UNC5C: variants seen among roughly 807,000 people sequenced by gnomAD.
The protein encoded by UNC5C is netrin receptor UNC5C.
A neutral mutation model predicts 99.8 loss-of-function variants in UNC5C; 47 were observed. The ratio of observed to expected loss-of-function variants is 0.47; its 90% CI spans 0.37 to 0.60. UNC5C has a LOEUF of 0.60. Ranked by LOEUF, UNC5C falls within the 20% of genes least tolerant of loss-of-function variation. The pLI, the probability that UNC5C is intolerant of heterozygous loss-of-function variation, is 0.00. For synonymous variants in UNC5C, 487 were observed against 452.2 expected (o/e 1.08, Z -0.98); for missense variants, 1,062 against 1,165.9 (o/e 0.91, Z 1.30).
At chr4:95,360,223 TA>T (rs1744347084) in intron 1 of UNC5C, among the ~76,000 whole-genome samples, 1 of 152,214 alleles carries the variant, frequency 6.6e-6, no homozygotes, top group African/African-American at 2.4e-5. Flanking sequence ...GACATGTTCT[TA>T]TTATTCTTTC....
chr4:95,344,009 T>A (rs752602038), intron 1 of UNC5C, among the ~76,000 whole-genome samples: 2 of 151,874 alleles, frequency 1.3e-5, no homozygotes, highest in Non-Finnish European at 2.9e-5. Context: ...GAGAGAGATA[T>A]AAAGGTAGAA....
At chr4:95,262,919 A>G (rs1237035831) in intron 4 of UNC5C, among the ~76,000 whole-genome samples, 1 of 152,020 alleles carries the variant, frequency 6.6e-6, no homozygotes, top group Non-Finnish European at 1.5e-5. Context: ...GGTTCAAGCA[A>G]TTCTCCTGCC....
chr4:95,543,280 G>A (rs572091889), intron 1 of UNC5C, among the ~76,000 whole-genome samples: 3 of 152,186 alleles, frequency 2.0e-5, no homozygotes, highest in South Asian at 4.2e-4. Flanking sequence ...AATCTAAACC[G>A]TAAGTAATAT....
chr4:95,448,190 GTGTGTGTCTC>G (rs1350863552), intron 1 of UNC5C, among the ~76,000 whole-genome samples: 17 of 97,552 alleles, frequency 1.7e-4, no homozygotes, highest in South Asian at 7.8e-4. Flanking sequence ...TTTTGCTAAT[GTGTGTGTCTC>G]TGTGTGTGTG....
intron 1 of UNC5C, among the ~76,000 whole-genome samples, chr4:95,468,128 G>GT (rs36112534): frequency 2.0e-3 from 288 of 140,558 alleles, no homozygotes; most frequent in Non-Finnish European, 3.1e-3. Context: ...TGTTTTTTGG[G>GT]TTTTTTTTTT....
chr4:95,398,379 G>C (rs937977940), intron 1 of UNC5C, among the ~76,000 whole-genome samples: 8 of 152,084 alleles, frequency 5.3e-5, no homozygotes, highest in African/African-American at 1.9e-4. Flanking sequence ...TCTGCAAACT[G>C]TCTACCAAAC....
At chr4:95,266,231 C>T (rs1740442420) in intron 4 of UNC5C, among the ~76,000 whole-genome samples, 1 of 152,206 alleles carries the variant, frequency 6.6e-6, no homozygotes, top group Non-Finnish European at 1.5e-5. Context: ...CAGCCTCAAT[C>T]CCTGCTAGTG....
At chr4:95,172,773 G>T (rs1174583102) in intron 14 of UNC5C, among the ~76,000 whole-genome samples, 1 of 152,034 alleles carries the variant, frequency 6.6e-6, no homozygotes, top group Non-Finnish European at 1.5e-5. Flanking sequence ...CCAATTCTGT[G>T]AAGAAAGTCA....
intron 1 of UNC5C, among the ~76,000 whole-genome samples, chr4:95,398,432 CTCAT>C (rs112476627): frequency 0.015 from 2,293 of 151,396 alleles, 37 homozygotes; most frequent in African/African-American, 0.044. Flanking sequence ...ACTTCATTCA[CTCAT>C]TCATTCATTC....
At chr4:95,473,181 A>G (rs17383133) in intron 1 of UNC5C, among the ~76,000 whole-genome samples, 45,978 of 152,048 alleles carry the variant, frequency 0.3, 7,803 homozygotes, top group Non-Finnish European at 0.38. Context: ...CAAAAGTTTC[A>G]TTACAACTTC....
chr4:95,244,968 T>C lies in UNC5C; in HGVS notation c.943+9A>G. The C allele has an allele frequency of 1.2e-6, 2 of 1,613,624 alleles. No individual in the cohort carries two copies. The highest frequency in any genetic ancestry group is 8.5e-7 in the Non-Finnish European group (1 of 1,179,870). ...GAGATACTTGGAATGAGAGGACTGG[T>C]TTATTTACCTGGGCATAACGTAGTA... On this transcript the variant is annotated intron_variant, in intron 6 of 15. Transcript: ENST00000453304.
chr4:95,216,178 G>C lies in UNC5C; in HGVS notation c.1679C>G (p.Pro560Arg). 1 of 1,613,580 alleles carries C rather than the reference G, an allele frequency of 6.2e-7. No homozygotes were observed. Among genetic ancestry groups the C allele is most frequent in the Non-Finnish European group, 8.5e-7 (1 of 1,179,914 alleles). ...VSLLIPAGAI[P>R]QGRVYEMYVT... Reference sequence around the variant, plus strand: ...ATACATTTCGTAGACTCTCCCTTGGGGAATGGCCCCAGCGGGAATCAGCAA... The same window carrying C: ...ATACATTTCGTAGACTCTCCCTTGGCGAATGGCCCCAGCGGGAATCAGCAA... Residue 560 changes from proline (P) to arginine (R), a missense_variant, in exon 10 of 16, where the codon CCC becomes CGC. Physicochemically the swap from Pro to Arg is moderately radical, Grantham distance 103. Around this residue, in one of 3 missense-constraint regions of UNC5C, gnomAD observed 810 missense variants for 854.5 expected, o/e 0.95. Transcript: ENST00000453304.
chr4:95,426,389 C>A (rs927546874), intron 1 of UNC5C, among the ~76,000 whole-genome samples: 2 of 152,174 alleles, frequency 1.3e-5, no homozygotes, highest in Non-Finnish European at 2.9e-5. Flanking sequence ...CCTTCCTATT[C>A]CCTAAGACAC....
At chr4:95,184,163 T>G (rs1368373097) in intron 13 of UNC5C, among the ~76,000 whole-genome samples, 4 of 152,216 alleles carry the variant, frequency 2.6e-5, no homozygotes, top group Admixed American at 2.0e-4. Flanking sequence ...GAGCTGTGCA[T>G]AGAGAGTCTG....
intron 1 of UNC5C, among the ~76,000 whole-genome samples, chr4:95,364,984 T>A (rs1050133452): frequency 2.6e-5 from 4 of 151,738 alleles, no homozygotes; most frequent in African/African-American, 9.7e-5. Flanking sequence ...TAAGTATATA[T>A]TTATTTACAT....
At chr4:95,384,713 G>A (rs1241618939) in intron 1 of UNC5C, among the ~76,000 whole-genome samples, 2 of 152,110 alleles carry the variant, frequency 1.3e-5, no homozygotes, top group Non-Finnish European at 2.9e-5. Flanking sequence ...TAGGATATGC[G>A]GAAGAGGGAT....
chr4:95,236,949 C>T (rs1383823478), intron 7 of UNC5C, among the ~76,000 whole-genome samples: 1 of 152,172 alleles, frequency 6.6e-6, no homozygotes, highest in Non-Finnish European at 1.5e-5. Context: ...TCCAGAACCA[C>T]CCCTGACCAT....
intron 1 of UNC5C, among the ~76,000 whole-genome samples, chr4:95,415,675 G>A (rs1045780171): frequency 5.9e-5 from 9 of 152,138 alleles, no homozygotes; most frequent in Admixed American, 4.6e-4. Flanking sequence ...GTTATTATAT[G>A]CATCAGAACT....
intron 7 of UNC5C, among the ~76,000 whole-genome samples, chr4:95,232,326 T>C (rs1442676432): frequency 1.3e-5 from 2 of 151,636 alleles, no homozygotes; most frequent in African/African-American, 4.8e-5. Context: ...TCTATCCCCG[T>C]CAATGCTTCT....
Sources: gnomAD v4.1 joint callset for allele counts (sites outside exome capture counted in the v4.1 genomes callset) on GRCh38, gnomAD v4.1.1 for gene constraint, gnomAD v4.1.1 regional missense constraint, MANE v1.5 for transcripts, NCBI Gene and HGNC (gene_info 2026-07-23, HGNC 2026-07-21) for gene names.